NEDD4L: variants seen among roughly 807,000 people sequenced by gnomAD.
The protein encoded by NEDD4L is E3 ubiquitin-protein ligase NEDD4-like.
A neutral mutation model predicts 148.9 loss-of-function variants in NEDD4L; 54 were observed. The observed-to-expected ratio is 0.36, with a 90% confidence interval of 0.29 to 0.45. The LOEUF is 0.45. Ranked by LOEUF, NEDD4L falls within the 20% of genes least tolerant of loss-of-function variation. The probability of loss-of-function intolerance (pLI) is 1.00; values close to 1 mark genes in which losing one functional copy is unlikely to be tolerated. For missense variants in NEDD4L, 856 were observed against 1,233.8 expected (o/e 0.69, Z 4.59); for synonymous variants, 433 against 440.7 (o/e 0.98, Z 0.22).
chr18:58,197,023 C>T (rs767154732), intron 2 of NEDD4L, among the ~76,000 whole-genome samples: 19 of 152,108 alleles, frequency 1.2e-4, no homozygotes, highest in Non-Finnish European at 2.2e-4. Context: ...CCGTGGCGGT[C>T]GGTAATGTGT....
intron 2 of NEDD4L, among the ~76,000 whole-genome samples, chr18:58,227,043 C>T (rs1015713683): frequency 3.3e-5 from 5 of 152,262 alleles, no homozygotes; most frequent in Admixed American, 1.3e-4. Flanking sequence ...GCCTACCCTG[C>T]AGCCTGTATC....
Position 58,234,045 on chromosome 18 carries a change from T to TTTTCTTTCCTTC in NEDD4L, c.123-11374_123-11373insCTTCTTTCTTTC, listed in dbSNP as rs1555753183. 1.5e-3 allele frequency among the ~76,000 whole-genome samples: 174 copies of TTTTCTTTCCTTC among 117,962 alleles called. 2 individuals are homozygous for TTTTCTTTCCTTC. Among genetic ancestry groups the TTTTCTTTCCTTC allele is most frequent in the Middle Eastern group, 4.1e-3 (1 of 244 alleles). The allele number at this position is 117,962 out of a possible 152,430, so 77.4% of individuals were successfully genotyped here. On this transcript the variant is annotated intron_variant, in intron 2 of 30. Transcript: ENST00000400345. Reference sequence around the variant, plus strand: ...CAACCTAATGACCTCATTTCTTTCCTTTTCTTTCTTTCTTTCTTTCTTTCT... The same window carrying TTTTCTTTCCTTC: ...CAACCTAATGACCTCATTTCTTTCCTTTTCTTTCCTTCTTTCTTTCTTTCTTTCTTTCTTTCT...
At chr18:58,371,595 T>A (rs995824752) in intron 23 of NEDD4L, 2 of 152,600 alleles carry the variant, frequency 1.3e-5, no homozygotes, top group African/African-American at 4.8e-5. Flanking sequence ...TGATACCAAC[T>A]GTATTTTGGG....
chr18:58,149,654 G>A (rs1303744142), intron 1 of NEDD4L: 24 of 803,888 alleles, frequency 3.0e-5, no homozygotes, highest in Non-Finnish European at 4.9e-5. Flanking sequence ...TCATGATTGT[G>A]TTATATGACC....
chr18:58,141,653 T>C (rs1185024997), intron 1 of NEDD4L, among the ~76,000 whole-genome samples: 1 of 152,224 alleles, frequency 6.6e-6, no homozygotes, highest in African/African-American at 2.4e-5. Flanking sequence ...TTCCCTCTAG[T>C]GTCATGAATA....
chr18:58,305,425 G>C (rs1334565898), intron 5 of NEDD4L, among the ~76,000 whole-genome samples: 1 of 152,236 alleles, frequency 6.6e-6, no homozygotes, highest in Admixed American at 6.5e-5. Flanking sequence ...TGGGTACAGT[G>C]ATTTGAGAAC....
intron 1 of NEDD4L, among the ~76,000 whole-genome samples, chr18:58,155,115 A>C (rs1418790293): frequency 6.6e-6 from 1 of 152,262 alleles, no homozygotes; most frequent in Admixed American, 6.5e-5. Flanking sequence ...GCCTTCAAAA[A>C]GAATATCCTA....
intron 22 of NEDD4L, 55 bp from the exon 23 acceptor site, chr18:58,370,340 CTG>C: frequency 9.7e-7 from 1 of 1,031,874 alleles, no homozygotes; most frequent in Non-Finnish European, 1.5e-6. Flanking sequence ...CTTTCATGCT[CTG>C]ATACATAGCA....
At chr18:58,296,898 G>A (rs2055680388) in intron 5 of NEDD4L, among the ~76,000 whole-genome samples, 1 of 151,308 alleles carries the variant, frequency 6.6e-6, no homozygotes, top group Admixed American at 6.6e-5. Flanking sequence ...CTCCAGCCTG[G>A]GCAATAGGGC....
chr18:58,185,671 C>T (rs1015287281), intron 2 of NEDD4L, among the ~76,000 whole-genome samples: 3 of 152,070 alleles, frequency 2.0e-5, no homozygotes, highest in Non-Finnish European at 1.5e-5. Context: ...GTCAGGAGTT[C>T]GAGACCAGCC....
rs369280694 is a variant in NEDD4L at position 58,232,632 on chromosome 18, G to A, written c.123-12795G>A. Among the ~76,000 whole-genome samples, 60 of 152,314 alleles carry A rather than the reference G, an allele frequency of 3.9e-4. No individual in the cohort carries two copies. The South Asian group carries it at 0.012, about 29-fold the overall frequency. Reference sequence around the variant, plus strand: ...GTGTCGGGATATAGGGGGCATCACCGTAATGTGGCTCTTTTTCTGTTGATT... The same window carrying A: ...GTGTCGGGATATAGGGGGCATCACCATAATGTGGCTCTTTTTCTGTTGATT... On this transcript the variant is annotated intron_variant, in intron 2 of 30. Coordinates refer to ENST00000400345, the MANE Select transcript of NEDD4L (RefSeq NM_001144967.3).
intron 1 of NEDD4L, among the ~76,000 whole-genome samples, chr18:58,086,025 G>A (rs1599165890): frequency 6.6e-6 from 1 of 152,186 alleles, no homozygotes; most frequent in Non-Finnish European, 1.5e-5. Context: ...AAACTTGGGG[G>A]ATGTACTCTT....
intron 22 of NEDD4L, among the ~76,000 whole-genome samples, chr18:58,368,112 T>G (rs1033369244): frequency 6.6e-6 from 1 of 152,240 alleles, no homozygotes; most frequent in Non-Finnish European, 1.5e-5. Flanking sequence ...CAGAACATTA[T>G]GTATTTATAC....
intron 2 of NEDD4L, among the ~76,000 whole-genome samples, chr18:58,210,259 A>G (rs1457020993): frequency 1.3e-5 from 2 of 152,252 alleles, no homozygotes; most frequent in Non-Finnish European, 2.9e-5. Context: ...AAAACATTAC[A>G]TGCAGCCCTG....
chr18:58,170,341 T>A (rs1446209598), intron 2 of NEDD4L, among the ~76,000 whole-genome samples: 1 of 142,390 alleles, frequency 7.0e-6, no homozygotes, highest in Non-Finnish European at 1.5e-5. Context: ...GCCCGCCTCA[T>A]CACCCCAGCC....
intron 22 of NEDD4L, among the ~76,000 whole-genome samples, chr18:58,369,509 C>T (rs1325097501): frequency 6.6e-6 from 1 of 151,734 alleles, no homozygotes; most frequent in Non-Finnish European, 1.5e-5. Context: ...TCATTCTGCA[C>T]ATCTGTCCGC....
rs149589707 is a variant in NEDD4L, at chr18:58,380,857, C to T, written c.2353-2389C>T. Among the ~76,000 whole-genome samples, 66 of 152,240 alleles carry T rather than the reference C, an allele frequency of 4.3e-4. 1 individual carries two copies. Among genetic ancestry groups the T allele is most frequent in the Middle Eastern group, 3.4e-3 (1 of 294 alleles). On this transcript the variant is annotated intron_variant, in intron 24 of 30. Transcript: ENST00000400345. Reference sequence around the variant, plus strand: ...AGCAAACTAACACAGAAACAGAAAACAGTTTTCAAATTAATATATCACACA... The same window carrying T: ...AGCAAACTAACACAGAAACAGAAAATAGTTTTCAAATTAATATATCACACA...
intron 1 of NEDD4L, among the ~76,000 whole-genome samples, chr18:58,105,964 A>G (rs1344507864): frequency 2.0e-5 from 3 of 152,236 alleles, no homozygotes; most frequent in Admixed American, 6.5e-5. Flanking sequence ...ATTGTTATGA[A>G]AAAAGAAACC....
At chr18:58,197,067 C>T (rs2040796091) in intron 2 of NEDD4L, among the ~76,000 whole-genome samples, 1 of 152,062 alleles carries the variant, frequency 6.6e-6, no homozygotes, top group East Asian at 1.9e-4. Flanking sequence ...TGCTTGATGG[C>T]GACTTCTCGT....
Sources: gnomAD v4.1 joint callset for allele counts (sites outside exome capture counted in the v4.1 genomes callset) on GRCh38, gnomAD v4.1.1 for gene constraint, MANE v1.5 for transcripts, NCBI Gene and HGNC (gene_info 2026-07-23, HGNC 2026-07-21) for gene names.